PARVA: variants seen among roughly 807,000 people sequenced by gnomAD.
The protein encoded by PARVA is parvin alpha, also known as alpha-parvin.
In PARVA, 25 loss-of-function variants were observed where a neutral mutation model predicts 52.6. The ratio of observed to expected loss-of-function variants is 0.48; its 90% CI spans 0.35 to 0.66. The LOEUF (loss-of-function observed/expected upper bound fraction) is 0.66. PARVA is among the 30% of genes least tolerant of loss of function. The probability of loss-of-function intolerance (pLI) is 0.01; values close to 1 mark genes in which losing one functional copy is unlikely to be tolerated. For missense variants in PARVA, 373 were observed against 450.9 expected (o/e 0.83, Z 1.56); for synonymous variants, 185 against 179.1 (o/e 1.03, Z -0.26).
chr11:12,418,841 A>G (rs1399153663), intron 1 of PARVA, among the ~76,000 whole-genome samples: 2 of 152,092 alleles, frequency 1.3e-5, no homozygotes, highest in African/African-American at 4.8e-5. Flanking sequence ...AACAATAATA[A>G]CCATTATTGC....
intron 4 of PARVA, among the ~76,000 whole-genome samples, chr11:12,494,630 A>G (rs1248014687): frequency 3.3e-5 from 5 of 152,072 alleles, no homozygotes; most frequent in South Asian, 2.1e-4. Flanking sequence ...GGCAAGATGT[A>G]TATTTCTTCT....
chr11:12,451,654 C>T (rs1440535369), intron 1 of PARVA, among the ~76,000 whole-genome samples: 7 of 152,160 alleles, frequency 4.6e-5, no homozygotes, highest in African/African-American at 7.2e-5. Context: ...TTCAGTCCTA[C>T]AGTGCTATTT....
intron 1 of PARVA, among the ~76,000 whole-genome samples, chr11:12,420,938 C>T (rs1467419884): frequency 6.6e-6 from 1 of 152,050 alleles, no homozygotes; most frequent in Non-Finnish European, 1.5e-5. Context: ...AGTTAGCTGC[C>T]AGAGGTCTTA....
At chr11:12,480,460 A>G (rs1941072220) in intron 4 of PARVA, 1 of 152,118 alleles carries the variant, frequency 6.6e-6, no homozygotes, top group Admixed American at 6.5e-5. Context: ...CCTCCAGCAG[A>G]CATCTAGTCA....
chr11:12,482,393 G>A lies in PARVA; in HGVS notation c.400+4444G>A, dbSNP rs188219136. On this transcript the variant is annotated intron_variant, in intron 4 of 12. Coordinates refer to ENST00000334956, the MANE Select transcript of PARVA (RefSeq NM_018222.5). ...TGTAATCCCAACACTTTGGGAGGCCGAGGCAGGTGGATCATGAGGTCAGGA... is the reference window on the plus strand; with the variant it reads ...TGTAATCCCAACACTTTGGGAGGCCAAGGCAGGTGGATCATGAGGTCAGGA... 2.2e-3 allele frequency among the ~76,000 whole-genome samples: 336 copies of A among 151,928 alleles called. 6 individuals carry two copies. The highest frequency in any genetic ancestry group is 0.021 in the Admixed American group (315 of 15,272).
At chr11:12,519,303 C>G (rs779475423) in intron 12 of PARVA, among the ~76,000 whole-genome samples, 2 of 152,166 alleles carry the variant, frequency 1.3e-5, no homozygotes, top group South Asian at 2.1e-4. Flanking sequence ...TCTCATGCCC[C>G]CTTCCTGCCT....
At chr11:12,475,899 C>G (rs1239818418) in intron 3 of PARVA, among the ~76,000 whole-genome samples, 1 of 152,174 alleles carries the variant, frequency 6.6e-6, no homozygotes, top group Non-Finnish European at 1.5e-5. Context: ...ACCCTGAGCC[C>G]TCACCTTTCT....
At chr11:12,503,884 T>A (rs962878351) in intron 5 of PARVA, among the ~76,000 whole-genome samples, 1 of 152,144 alleles carries the variant, frequency 6.6e-6, no homozygotes, top group African/African-American at 2.4e-5. Flanking sequence ...GCTGGGTAAT[T>A]TATAAATAAA....
chr11:12,432,577 A>G (rs1288624451), intron 1 of PARVA, among the ~76,000 whole-genome samples: 4 of 152,246 alleles, frequency 2.6e-5, no homozygotes, highest in African/African-American at 9.6e-5. Context: ...GGCAAGAAAC[A>G]AGGATGTTGA....
rs1940495862 is a variant in PARVA at position 12,443,286 on chromosome 11, C to G, written c.137-30459C>G. Among the ~76,000 whole-genome samples the G allele has an allele frequency of 2.0e-5, 3 of 151,114 alleles. No homozygotes were observed. In the South Asian group the frequency reaches 6.3e-4, roughly 32 times the overall value. On this transcript the variant is annotated intron_variant, in intron 1 of 12. Coordinates refer to ENST00000334956, the MANE Select transcript of PARVA (RefSeq NM_018222.5). ...TCCCGGGTTGAAGCGATTCCCTTGC[C>G]TCAGCCTCCTGAGTAGCTGGGACTA...
At chr11:12,457,198 A>T (rs1345931647) in intron 1 of PARVA, among the ~76,000 whole-genome samples, 1 of 152,204 alleles carries the variant, frequency 6.6e-6, no homozygotes, top group Non-Finnish European at 1.5e-5. Context: ...CAGGCATGCA[A>T]TCAGCAGAAC....
intron 4 of PARVA, among the ~76,000 whole-genome samples, chr11:12,494,851 C>T (rs1295704962): frequency 6.6e-6 from 1 of 152,154 alleles, no homozygotes; most frequent in Non-Finnish European, 1.5e-5. Flanking sequence ...AACCCTCTCT[C>T]ACAACAGTCA....
intron 1 of PARVA, among the ~76,000 whole-genome samples, chr11:12,432,245 A>G (rs1940325821): frequency 6.6e-6 from 1 of 152,228 alleles, no homozygotes; most frequent in Non-Finnish European, 1.5e-5. Flanking sequence ...TTAAAAGTGA[A>G]TTCCAATAAA....
At chr11:12,513,249 C>T (rs1941525010) in intron 8 of PARVA, 50 bp from the exon 9 acceptor site, 1 of 1,575,716 alleles carries the variant, frequency 6.3e-7, no homozygotes, top group Non-Finnish European at 8.7e-7. Context: ...GTGGGCTTCC[C>T]TGCCAGGGAT....
intron 4 of PARVA, 27 bp from the exon 5 acceptor site, chr11:12,496,431 T>A (rs948833000): frequency 6.3e-7 from 1 of 1,598,098 alleles, no homozygotes; most frequent in African/African-American, 1.3e-5. Flanking sequence ...GCATAACAGC[T>A]GTTCTCTTTT....
chr11:12,500,387 G>A (rs1941349480), intron 5 of PARVA, among the ~76,000 whole-genome samples: 1 of 152,172 alleles, frequency 6.6e-6, no homozygotes. Context: ...AAAATTCCCA[G>A]GAGACGTGTT....
intron 1 of PARVA, among the ~76,000 whole-genome samples, chr11:12,381,376 A>T (rs1939483743): frequency 6.6e-6 from 1 of 152,204 alleles, no homozygotes; most frequent in Non-Finnish European, 1.5e-5. Context: ...GATCACTGCC[A>T]TCAGTCTGTC....
chr11:12,477,972 T>C (rs368689429), intron 4 of PARVA, 23 bp downstream of exon 4: 15 of 1,271,160 alleles, frequency 1.2e-5, no homozygotes, highest in African/African-American at 1.2e-4. Context: ...AGTGCTGCAA[T>C]GGATGTGTGT....
chr11:12,377,992 C>T (rs1241601924), intron 1 of PARVA, among the ~76,000 whole-genome samples: 1 of 148,296 alleles, frequency 6.7e-6, no homozygotes, highest in Non-Finnish European at 1.5e-5. Flanking sequence ...CCATCGAGGC[C>T]ACCCCGCCCG....
Sources: allele counts gnomAD v4.1 joint callset (sites outside exome capture counted in the v4.1 genomes callset), GRCh38; gene constraint gnomAD v4.1.1; transcripts MANE v1.5; gene names NCBI Gene and HGNC (gene_info 2026-07-23, HGNC 2026-07-21).